Variants in ERCC6 observed in about 807,000 individuals in gnomAD.
ERCC6 encodes DNA excision repair protein ERCC-6.
ERCC6 carries 116 observed loss-of-function variants against 158.7 expected under a neutral mutation model. The ratio of observed to expected loss-of-function variants is 0.73; its 90% CI spans 0.63 to 0.85. ERCC6 has a LOEUF of 0.85. ERCC6 is among the 40% of genes least tolerant of loss of function. ERCC6 has a pLI of 0.00. For missense variants in ERCC6, 1,698 were observed against 1,799.4 expected (o/e 0.94, Z 1.02); for synonymous variants, 678 against 659.3 (o/e 1.03, Z -0.43).
intron 9 of ERCC6, 99 bp downstream of exon 9, chr10:49,483,247 A>C (rs4253163): frequency 9.4e-6 from 12 of 1,280,912 alleles, no homozygotes; most frequent in Non-Finnish European, 1.4e-5. Context: ...AGTTGGCACA[A>C]GGAAAGATTC....
intron 8 of ERCC6, among the ~76,000 whole-genome samples, chr10:49,487,812 C>G (rs1851101726): frequency 1.3e-5 from 2 of 152,090 alleles, no homozygotes; most frequent in African/African-American, 4.8e-5. Context: ...TACAAAACTT[C>G]CTGTGTTCAG....
chr10:49,530,374 T>C (rs2132634862), intron 3 of ERCC6, among the ~76,000 whole-genome samples: 1 of 152,344 alleles, frequency 6.6e-6, no homozygotes, highest in African/African-American at 2.4e-5. Flanking sequence ...TACAATATTT[T>C]GACTTTAAGA....
chr10:49,499,574 A>G (rs1288295183), intron 7 of ERCC6, among the ~76,000 whole-genome samples: 2 of 152,180 alleles, frequency 1.3e-5, no homozygotes, highest in Non-Finnish European at 1.5e-5. Flanking sequence ...CCCTCTAGCA[A>G]CTACCTTGCT....
In ERCC6 at chr10:49,532,830, G is replaced by A. The variant is rs2228524; in HGVS notation, c.135C>T (p.Leu45=). Residue 45 remains leucine, a synonymous_variant, in exon 2 of 21, where the codon CTC becomes CTT. Coordinates refer to ENST00000355832, the MANE Select transcript of ERCC6 (RefSeq NM_000124.4). ...SGGDGEVEEY[L]SFRSVGDGLS... is the part of the protein sequence containing the mutation. ...GCCCGTCACCCACAGAACGAAAGGA[G>A]AGGTACTCCTCCACCTCCCCATCAC... is the stretch of plus-strand genomic sequence containing the variant. The A allele has an allele frequency of 1.2e-6, 2 of 1,613,932 alleles. No homozygotes were observed. Among genetic ancestry groups the A allele is most frequent in the South Asian group, 2.2e-5 (2 of 91,074 alleles).
At chr10:49,488,861 GCAAGTTCCGCCTCC>G (rs1056070972) in intron 8 of ERCC6, among the ~76,000 whole-genome samples, 11 of 152,060 alleles carry the variant, frequency 7.2e-5, no homozygotes, top group African/African-American at 2.7e-4. Flanking sequence ...TCAGCTCACT[GCAAGTTCCGCCTCC>G]CAGGTTCACG....
chr10:49,495,224 A>T (rs1443361591), intron 7 of ERCC6, among the ~76,000 whole-genome samples: 1 of 152,182 alleles, frequency 6.6e-6, no homozygotes, highest in Non-Finnish European at 1.5e-5. Flanking sequence ...AAAATTAAGC[A>T]GAAGTCAAAA....
chr10:49,470,145 C>T (rs1850746438), intron 18 of ERCC6, 37 bp downstream of exon 18: 2 of 1,587,590 alleles, frequency 1.3e-6, no homozygotes, highest in Non-Finnish European at 1.7e-6. Flanking sequence ...ATTTTCTAAT[C>T]CTAGCATCCC....
chr10:49,510,666 T>C (rs1851518048), intron 5 of ERCC6, among the ~76,000 whole-genome samples: 1 of 152,214 alleles, frequency 6.6e-6, no homozygotes, highest in Admixed American at 6.5e-5. Context: ...GCCATTTTTA[T>C]AGCACTAGAG....
In ERCC6 at chr10:49,493,217, GGACA is replaced by G. The variant is rs766629930; in HGVS notation, c.1717_1720del (p.Cys573GlnfsTer4). The G allele has an allele frequency of 3.7e-6, 6 of 1,613,902 alleles. No individual in the cohort carries two copies. The highest frequency in any genetic ancestry group is 2.7e-5 in the African/African-American group (2 of 74,868). On this transcript the variant is annotated frameshift_variant, in exon 8 of 21. Coordinates refer to ENST00000355832, the MANE Select transcript of ERCC6 (RefSeq NM_000124.4). LOFTEE classifies it high-confidence loss of function. ...CACCCACTGATGCATCACTGTTGTT[GGACA>G]GACAATTACAGTTGGACCCAACCCC...
At chr10:49,530,189 TAAGG>T (rs766772546) in intron 3 of ERCC6, among the ~76,000 whole-genome samples, 19 of 152,130 alleles carry the variant, frequency 1.2e-4, no homozygotes, top group African/African-American at 2.2e-4. Flanking sequence ...GCAGGAAAAC[TAAGG>T]AAGTGCGCCC....
intron 8 of ERCC6, among the ~76,000 whole-genome samples, chr10:49,487,546 G>A (rs547072937): frequency 2.0e-5 from 3 of 151,818 alleles, no homozygotes; most frequent in Non-Finnish European, 4.4e-5. Context: ...GAAGAAAGCA[G>A]TCTGCCCAGA....
At chr10:49,475,343 T>C (rs1490878059) in intron 12 of ERCC6, 3 of 420,828 alleles carry the variant, frequency 7.1e-6, no homozygotes, top group African/African-American at 4.1e-5. Flanking sequence ...CTCTTTTTCC[T>C]TTTTAATGTG....
At chr10:49,498,501 G>T (rs552203142) in intron 7 of ERCC6, among the ~76,000 whole-genome samples, 1 of 152,146 alleles carries the variant, frequency 6.6e-6, no homozygotes, top group Non-Finnish European at 1.5e-5. Flanking sequence ...TATGAGCGGG[G>T]GGGACCACAC....
intron 7 of ERCC6, among the ~76,000 whole-genome samples, chr10:49,499,019 C>T (rs991480371): frequency 2.6e-5 from 4 of 152,086 alleles, no homozygotes; most frequent in African/African-American, 9.7e-5. Context: ...ACAGAAAAAG[C>T]ATTTTATTTG....
chr10:49,445,753 T>C, the ERCC6 span, among the ~76,000 whole-genome samples: 95 of 152,152 alleles, frequency 6.2e-4, no homozygotes, highest in Admixed American at 2.6e-4. Flanking sequence ...AAAGAAACTA[T>C]AAATAGAGTG....
intron 7 of ERCC6, among the ~76,000 whole-genome samples, chr10:49,496,013 C>G (rs886629076): frequency 1.3e-5 from 2 of 152,216 alleles, no homozygotes; most frequent in African/African-American, 4.8e-5. Flanking sequence ...CTGCTCATCT[C>G]TCCTGCCTTA....
At chr10:49,452,145 G>T (rs1044208495), downstream of ERCC6, among the ~76,000 whole-genome samples, 3 of 151,172 alleles carry the variant, frequency 2.0e-5, no homozygotes, top group Admixed American at 1.3e-4. Context: ...CCTTCTGCTT[G>T]CTTTAGGTTT....
intron 18 of ERCC6, among the ~76,000 whole-genome samples, chr10:49,465,724 C>T (rs890312706): frequency 2.6e-5 from 4 of 152,174 alleles, no homozygotes; most frequent in Non-Finnish European, 4.4e-5. Context: ...AATTTCTCTG[C>T]ACAAGCTCTT....
rs73311017 is a variant in ERCC6 at position 49,527,094 on chromosome 10, G to A, written c.652+1323C>T. Among the ~76,000 whole-genome samples, 1,514 of 152,312 alleles carry A rather than the reference G, an allele frequency of 9.9e-3. 18 individuals are homozygous for A. Among genetic ancestry groups the A allele is most frequent in the African/African-American group, 0.035 (1,436 of 41,562 alleles). Reference sequence around the variant, plus strand: ...AAGGAACAGAAGTGTCAGCTGCTGTGGACAGGCAGAGTGGAACAAGGATAA... The same window carrying A: ...AAGGAACAGAAGTGTCAGCTGCTGTAGACAGGCAGAGTGGAACAAGGATAA... On this transcript the variant is annotated intron_variant, in intron 4 of 20. Coordinates refer to ENST00000355832, the MANE Select transcript of ERCC6 (RefSeq NM_000124.4).
Sources: gnomAD v4.1 joint callset for allele counts (sites outside exome capture counted in the v4.1 genomes callset) on GRCh38, gnomAD v4.1.1 for gene constraint, MANE v1.5 for transcripts, NCBI Gene and HGNC (gene_info 2026-07-23, HGNC 2026-07-21) for gene names.